COL21A1: variants seen among roughly 807,000 people sequenced by gnomAD.
The protein encoded by COL21A1 is collagen type XXI alpha 1 chain.
COL21A1 carries 149 observed loss-of-function variants against 137.9 expected under a neutral mutation model. The ratio of observed to expected loss-of-function variants is 1.08; its 90% CI spans 0.95 to 1.24. The LOEUF is 1.24. COL21A1 is among the 50% of genes most tolerant of loss of function. The probability of loss-of-function intolerance (pLI) is 0.00; values close to 1 mark genes in which losing one functional copy is unlikely to be tolerated. For missense variants in COL21A1, 1,167 were observed against 1,158.4 expected (o/e 1.01, Z -0.11); for synonymous variants, 456 against 391.5 (o/e 1.16, Z -1.95).
Position 56,065,616 on chromosome 6 carries a change from G to A in COL21A1, c.2128-994C>T, listed in dbSNP as rs147409796. Among the ~76,000 whole-genome samples the A allele has an allele frequency of 2.3e-3, 351 of 152,030 alleles. 2 individuals are homozygous for A. Among genetic ancestry groups the A allele is most frequent in the East Asian group, 0.018 (91 of 5,136 alleles). ...TGCAGCCTTGAGGGGTGAGTAAGAG[G>A]TAGCCAATTGGAGAAAGGATAGGAG... is the stretch of plus-strand genomic sequence containing the variant. On this transcript the variant is annotated intron_variant, in intron 23 of 29. Transcript: ENST00000244728.
At chr6:56,153,839 G>A (rs1036477917) in intron 10 of COL21A1, among the ~76,000 whole-genome samples, 1 of 152,048 alleles carries the variant, frequency 6.6e-6, no homozygotes, top group African/African-American at 2.4e-5. Context: ...TTTTTCACCT[G>A]TAAGAGAGCC....
chr6:56,121,977 G>A (rs1772583844), intron 16 of COL21A1, among the ~76,000 whole-genome samples: 1 of 151,956 alleles, frequency 6.6e-6, no homozygotes, highest in Admixed American at 6.6e-5. Flanking sequence ...ATGAAGGGTA[G>A]TATGAACCTA....
At chr6:56,387,024 C>T (rs1016671556) in intron 1 of COL21A1, among the ~76,000 whole-genome samples, 3 of 152,182 alleles carry the variant, frequency 2.0e-5, no homozygotes, top group African/African-American at 7.2e-5. Context: ...TAAAAGTGAA[C>T]TCACCTTGCA....
At chr6:56,108,559 G>A (rs1771149944) in intron 16 of COL21A1, among the ~76,000 whole-genome samples, 1 of 151,864 alleles carries the variant, frequency 6.6e-6, no homozygotes, top group African/African-American at 2.4e-5. Flanking sequence ...AGATGTAGGA[G>A]TTAAAAATAT....
In COL21A1 at chr6:56,078,245, A is replaced by G. The variant is rs1028384000; in HGVS notation, c.1813-672T>C. ...ATTCTATCAAGTTAAGAATAAATTT[A>G]GCACATTTATTGCTTGCAGAAGAGT... is the stretch of plus-strand genomic sequence containing the variant. On this transcript the variant is annotated intron_variant, in intron 17 of 29. Coordinates refer to ENST00000244728, the MANE Select transcript of COL21A1 (RefSeq NM_030820.4). 12 of 455,422 alleles carry G rather than the reference A, an allele frequency of 2.6e-5. No individual in the cohort carries two copies. The East Asian group carries it at 7.7e-4, about 29-fold the overall frequency. The allele number at this position is 455,422 out of a possible 1,614,324, so 28.2% of individuals were successfully genotyped here. A position where few individuals can be genotyped will look rare whatever the true frequency, so the allele number is the denominator to read the frequency against.
intron 1 of COL21A1, among the ~76,000 whole-genome samples, chr6:56,230,339 A>C (rs1157622215): frequency 1.3e-5 from 2 of 151,938 alleles, no homozygotes; most frequent in Non-Finnish European, 2.9e-5. Flanking sequence ...TAAATCAGTC[A>C]AGAAATATCA....
chr6:56,317,729 T>C (rs1764769684), intron 1 of COL21A1, among the ~76,000 whole-genome samples: 1 of 152,276 alleles, frequency 6.6e-6, no homozygotes, highest in African/African-American at 2.4e-5. Context: ...TCAATTTCTC[T>C]AGTACTCCTA....
chr6:56,200,215 T>C (rs1283081599), intron 1 of COL21A1, among the ~76,000 whole-genome samples: 1 of 152,190 alleles, frequency 6.6e-6, no homozygotes, highest in Non-Finnish European at 1.5e-5. Context: ...GTAGCATGAT[T>C]CACAAGCATT....
At chr6:56,160,844 C>A (rs1187374147) in intron 9 of COL21A1, among the ~76,000 whole-genome samples, 1 of 152,148 alleles carries the variant, frequency 6.6e-6, no homozygotes, top group Non-Finnish European at 1.5e-5. Flanking sequence ...TCATCCAAGG[C>A]AAAACTTTGG....
At chr6:56,381,173 G>T (rs1241227821) in intron 1 of COL21A1, among the ~76,000 whole-genome samples, 1 of 152,040 alleles carries the variant, frequency 6.6e-6, no homozygotes, top group African/African-American at 2.4e-5. Context: ...AAATTATCTT[G>T]TCCAGTTTGT....
chr6:56,344,318 G>T (rs571555561), intron 1 of COL21A1, among the ~76,000 whole-genome samples: 1 of 152,120 alleles, frequency 6.6e-6, no homozygotes, highest in Non-Finnish European at 1.5e-5. Context: ...GTTTCCAAAA[G>T]AATTGCAGTT....
chr6:56,140,690 T>A (rs1380867314), intron 12 of COL21A1, among the ~76,000 whole-genome samples: 1 of 152,192 alleles, frequency 6.6e-6, no homozygotes, highest in Non-Finnish European at 1.5e-5. Context: ...CAAAGAACTC[T>A]CAGAAGCCAC....
At chr6:56,366,835 G>C (rs78592039) in intron 1 of COL21A1, among the ~76,000 whole-genome samples, 3 of 152,198 alleles carry the variant, frequency 2.0e-5, no homozygotes, top group African/African-American at 7.2e-5. Flanking sequence ...TAGTTTGTAA[G>C]ATGGTTTCAT....
chr6:56,208,032 C>T (rs1779905128), intron 1 of COL21A1, among the ~76,000 whole-genome samples: 1 of 152,056 alleles, frequency 6.6e-6, no homozygotes. Flanking sequence ...GGAATGTTAT[C>T]TCAAAATCAT....
intron 23 of COL21A1, among the ~76,000 whole-genome samples, chr6:56,065,853 T>A (rs1041403998): frequency 1.3e-5 from 2 of 151,880 alleles, no homozygotes; most frequent in Non-Finnish European, 2.9e-5. Flanking sequence ...GCTTAGCTAT[T>A]TTATGCAAGT....
intron 1 of COL21A1, among the ~76,000 whole-genome samples, chr6:56,220,561 C>A (rs1007771337): frequency 1.6e-4 from 24 of 152,034 alleles, no homozygotes; most frequent in African/African-American, 5.8e-4. Flanking sequence ...TTCTGTATAA[C>A]TAAGAAAGAT....
At chr6:56,157,586 C>T (rs1245920874) in intron 9 of COL21A1, among the ~76,000 whole-genome samples, 1 of 152,102 alleles carries the variant, frequency 6.6e-6, no homozygotes, top group Non-Finnish European at 1.5e-5. Context: ...GCTAGGTGAG[C>T]CACTGCACCC....
chr6:56,099,488 G>A (rs1283470166), intron 17 of COL21A1, among the ~76,000 whole-genome samples: 3 of 151,712 alleles, frequency 2.0e-5, no homozygotes, highest in South Asian at 2.1e-4. Flanking sequence ...CAGCCGCCTC[G>A]GCCTCCCAAA....
chr6:56,098,001 A>ATATG (rs1463795254), intron 17 of COL21A1, among the ~76,000 whole-genome samples: 2 of 1,682 alleles, frequency 1.2e-3, no homozygotes, highest in African/African-American at 2.3e-3. Flanking sequence ...ATGTAAATAT[A>ATATG]TAAATATATA....
Sources: gnomAD v4.1 joint callset for allele counts (sites outside exome capture counted in the v4.1 genomes callset) on GRCh38, gnomAD v4.1.1 for gene constraint, MANE v1.5 for transcripts, NCBI Gene and HGNC (gene_info 2026-07-23, HGNC 2026-07-21) for gene names.